Variants in SENP7 observed in about 807,000 individuals in gnomAD.
SENP7 encodes the protein sentrin-specific protease 7.
A neutral mutation model predicts 141.2 loss-of-function variants in SENP7; 64 were observed. The ratio of observed to expected loss-of-function variants is 0.45; its 90% CI spans 0.37 to 0.56. SENP7 has a LOEUF of 0.56. Among genes scored for constraint, SENP7 ranks in the 20% least tolerant of loss-of-function variants. The pLI, the probability that SENP7 is intolerant of heterozygous loss-of-function variation, is 0.00. For synonymous variants in SENP7, 382 were observed against 426.4 expected, an observed-to-expected ratio of 0.90 and a Z score of 1.28; for missense variants, 1,025 against 1,212.2, an observed-to-expected ratio of 0.85 and a Z score of 2.29.
At chr3:101,466,178 G>A (rs1255173201) in intron 3 of SENP7, among the ~76,000 whole-genome samples, 1 of 151,960 alleles carries the variant, frequency 6.6e-6, no homozygotes, top group Non-Finnish European at 1.5e-5. Context: ...AGTTTCAGAA[G>A]AAAGAGAAAT....
At position 101,332,093 on chromosome 3, in the gene SENP7, C is replaced by A; in HGVS notation, c.2590G>T (p.Ala864Ser). Residue 864 changes from alanine (A) to serine (S), a missense_variant, in exon 19 of 24, where the codon GCA becomes TCA. Ala to Ser is a moderately conservative substitution (Grantham distance 99, BLOSUM62 1). Transcript: ENST00000394095. ...PVNESSHWYL[A>S]VICFPWLEEA... is the part of the protein sequence containing the mutation. ...TCTAACCATGGAAAACAAATGACTG[C>A]GAGATACCAGTGAGACCTGTTGAAA... 1 of 1,612,840 alleles carries A rather than the reference C, an allele frequency of 6.2e-7. No homozygotes were observed. The highest frequency in any genetic ancestry group is 8.5e-7 in the Non-Finnish European group (1 of 1,179,328).
At chr3:101,448,284 C>A (rs902489599) in intron 4 of SENP7, among the ~76,000 whole-genome samples, 1 of 152,104 alleles carries the variant, frequency 6.6e-6, no homozygotes, top group East Asian at 1.9e-4. Context: ...TTTCAAAGGA[C>A]ACCATCAAGA....
intron 5 of SENP7, chr3:101,414,214 G>T: frequency 1.6e-6 from 1 of 624,946 alleles, no homozygotes; most frequent in South Asian, 1.9e-5. Context: ...GGCAGTGTGG[G>T]GTCACCATAA....
chr3:101,503,259 C>T (rs2065462902), intron 1 of SENP7, among the ~76,000 whole-genome samples: 1 of 152,104 alleles, frequency 6.6e-6, no homozygotes. Flanking sequence ...TTGACAACAC[C>T]AAATATTGGT....
At chr3:101,413,594 A>G (rs866740963) in intron 5 of SENP7, among the ~76,000 whole-genome samples, 14 of 152,298 alleles carry the variant, frequency 9.2e-5, no homozygotes, top group Middle Eastern at 3.4e-3. Context: ...AGTTTGCTAC[A>G]GGGAGGAAGA....
intron 6 of SENP7, among the ~76,000 whole-genome samples, chr3:101,392,824 T>C (rs1277473365): frequency 6.6e-6 from 1 of 152,026 alleles, no homozygotes; most frequent in East Asian, 1.9e-4. Flanking sequence ...CAGCATGACA[T>C]TGGTATAAAA....
In SENP7 at chr3:101,357,718, T is replaced by A; in HGVS notation, c.1623+3997A>T. ...AATATGTGAAAGTCTCTCATAAATT[T>A]TCAAAGTCAAACAGACATAAGACAT... On this transcript the variant is annotated intron_variant, in intron 11 of 23. Coordinates refer to ENST00000394095, the MANE Select transcript of SENP7 (RefSeq NM_020654.5). The A allele has an allele frequency of 1.3e-5, 9 of 687,830 alleles. No individual in the cohort carries two copies. In the South Asian group the frequency reaches 1.4e-4, roughly 11 times the overall value. The allele number at this position is 687,830 out of a possible 1,614,324, so 42.6% of individuals were successfully genotyped here. A position where few individuals can be genotyped will look rare whatever the true frequency, so the allele number is the denominator to read the frequency against.
At chr3:101,351,768 C>CT (rs1453828694) in intron 11 of SENP7, 117 bp from the exon 12 acceptor site, 4 of 764,736 alleles carry the variant, frequency 5.2e-6, no homozygotes, top group Non-Finnish European at 7.2e-6. Context: ...GTGCTCAAGC[C>CT]TTTTTATCAA....
intron 5 of SENP7, among the ~76,000 whole-genome samples, chr3:101,411,837 T>C (rs1229728165): frequency 6.6e-6 from 1 of 152,218 alleles, no homozygotes; most frequent in African/African-American, 2.4e-5. Flanking sequence ...ACTAATACTA[T>C]GAAATCCCAC....
At position 101,402,596 on chromosome 3, in the gene SENP7, G is replaced by A. The variant is rs149643641; in HGVS notation, c.483-3541C>T. 6.8e-3 allele frequency among the ~76,000 whole-genome samples: 843 copies of A among 123,572 alleles called. 6 individuals are homozygous for A. Among genetic ancestry groups the A allele is most frequent in the African/African-American group, 0.026 (816 of 31,168 alleles). The allele number at this position is 123,572 out of a possible 152,430, so 81.1% of individuals were successfully genotyped here. On this transcript the variant is annotated intron_variant, in intron 5 of 23. Transcript: ENST00000394095. Reference sequence around the variant, plus strand: ...CATGCCACTGCATTACAGCCTGGGCGACAGAGCAAGACTCCGTCTCAAAAA... The same window carrying A: ...CATGCCACTGCATTACAGCCTGGGCAACAGAGCAAGACTCCGTCTCAAAAA...
chr3:101,408,955 A>G (rs1308362653), intron 5 of SENP7, among the ~76,000 whole-genome samples: 1 of 152,166 alleles, frequency 6.6e-6, no homozygotes, highest in Non-Finnish European at 1.5e-5. Flanking sequence ...GAGAAAAAAT[A>G]AAGGGCATCC....
intron 1 of SENP7, among the ~76,000 whole-genome samples, chr3:101,508,054 A>T (rs1361705611): frequency 6.6e-6 from 1 of 151,268 alleles, no homozygotes; most frequent in Non-Finnish European, 1.5e-5. Context: ...TCTCAAAAAA[A>T]AAAAAAAAAA....
intron 14 of SENP7, 38 bp downstream of exon 14, chr3:101,343,648 T>A: frequency 6.4e-7 from 1 of 1,558,146 alleles, no homozygotes; most frequent in Non-Finnish European, 8.7e-7. Context: ...TTTCTGAACC[T>A]CCCCCTTCTC....
At chr3:101,497,092 A>C (rs577539227) in intron 2 of SENP7, among the ~76,000 whole-genome samples, 1 of 152,374 alleles carries the variant, frequency 6.6e-6, no homozygotes, top group South Asian at 2.1e-4. Flanking sequence ...GGGATTAAGA[A>C]ATAAGTAAAT....
intron 3 of SENP7, among the ~76,000 whole-genome samples, chr3:101,462,050 G>T (rs2063563446): frequency 6.6e-6 from 1 of 152,198 alleles, no homozygotes. Context: ...ATGCTTAATG[G>T]TTAAAGAGTT....
chr3:101,366,403 T>C, intron 9 of SENP7, 27 bp downstream of exon 9: 1 of 1,463,630 alleles, frequency 6.8e-7, no homozygotes, highest in Non-Finnish European at 9.3e-7. Context: ...GGAAATTAAG[T>C]AACTTTATAA....
intron 1 of SENP7, among the ~76,000 whole-genome samples, chr3:101,504,205 C>T (rs905554556): frequency 2.0e-5 from 3 of 151,450 alleles, no homozygotes; most frequent in Non-Finnish European, 4.4e-5. Context: ...AATCCCAGCA[C>T]TAATGGGAGG....
intron 1 of SENP7, among the ~76,000 whole-genome samples, chr3:101,504,560 A>G (rs1455316560): frequency 6.6e-6 from 1 of 152,192 alleles, no homozygotes; most frequent in Non-Finnish European, 1.5e-5. Flanking sequence ...AAAATAAAGA[A>G]TTTTTTAAAT....
chr3:101,469,265 G>A (rs954407820), intron 3 of SENP7, among the ~76,000 whole-genome samples: 1 of 152,022 alleles, frequency 6.6e-6, no homozygotes, highest in African/African-American at 2.4e-5. Context: ...AGTCCTTAGA[G>A]ACCTACAAAG....
Sources: gnomAD v4.1 joint callset for allele counts (sites outside exome capture counted in the v4.1 genomes callset) on GRCh38, gnomAD v4.1.1 for gene constraint, MANE v1.5 for transcripts, NCBI Gene and HGNC (gene_info 2026-07-23, HGNC 2026-07-21) for gene names.